Variants in ANKDD1A observed in about 807,000 individuals in gnomAD.
The protein encoded by ANKDD1A is ankyrin repeat and death domain containing 1A.
In ANKDD1A, 59 loss-of-function variants were observed where a neutral mutation model predicts 63.5. The observed-to-expected ratio is 0.93, with a 90% CI of 0.75 to 1.15. The LOEUF is 1.15. Among genes scored for constraint, ANKDD1A ranks in the 50% most tolerant of loss-of-function variants. ANKDD1A has a pLI of 0.00. For synonymous variants in ANKDD1A, 266 were observed against 263.9 expected, an observed-to-expected ratio of 1.01 and a Z score of -0.08; for missense variants, 632 against 656.4, an observed-to-expected ratio of 0.96 and a Z score of 0.41.
intron 6 of ANKDD1A, among the ~76,000 whole-genome samples, chr15:64,928,651 C>T (rs1001972540): frequency 3.3e-5 from 5 of 152,184 alleles, no homozygotes; most frequent in Non-Finnish European, 5.9e-5. Flanking sequence ...CACGTGTACT[C>T]TAGAATGCTA....
chr15:64,943,716 A>C, intron 11 of ANKDD1A, 134 bp downstream of exon 11: 2 of 802,028 alleles, frequency 2.5e-6, no homozygotes, highest in Non-Finnish European at 4.1e-6. Flanking sequence ...ACCAGCTCAA[A>C]TGCAGCCTCC....
rs1279855297 is a variant in ANKDD1A, at chr15:64,952,554, CCTTCTCCTTCGTTCTT to C, written c.1483+2593_1483+2608del. Among the ~76,000 whole-genome samples, 173 of 144,456 alleles carry C rather than the reference CCTTCTCCTTCGTTCTT, an allele frequency of 1.2e-3. 2 individuals carry two copies. The highest frequency in any genetic ancestry group is 2.1e-3 in the Non-Finnish European group (135 of 65,676). 94.8% of individuals were successfully genotyped at this position (144,456 alleles called of 152,430 possible). ...TCTTCTTCTCCTTCTCCTCCTCCTT[CCTTCTCCTTCGTTCTT>C]CTTCTCCTTCTTTTCTTCTTCTTCC... On this transcript the variant is annotated intron_variant, in intron 14 of 14. Coordinates refer to ENST00000319580, the MANE Select transcript of ANKDD1A (RefSeq NM_182703.6).
intron 14 of ANKDD1A, among the ~76,000 whole-genome samples, chr15:64,954,685 C>T (rs1259342096): frequency 1.4e-5 from 2 of 144,646 alleles, no homozygotes; most frequent in Admixed American, 1.4e-4. Flanking sequence ...CTTCTTCTCT[C>T]CTTCTCCTTG....
At chr15:64,929,458 C>T (rs576760627) in intron 6 of ANKDD1A, among the ~76,000 whole-genome samples, 6 of 152,296 alleles carry the variant, frequency 3.9e-5, no homozygotes, top group Middle Eastern at 3.4e-3. Context: ...TGTGAGGTAC[C>T]ATGCCCAGCA....
intron 14 of ANKDD1A, among the ~76,000 whole-genome samples, chr15:64,954,164 TTC>T (rs2085376175): frequency 7.2e-6 from 1 of 138,572 alleles, no homozygotes; most frequent in African/African-American, 2.5e-5. Context: ...TTATTCTTTC[TTC>T]TTTCTTTTCT....
At chr15:64,947,679 G>C in intron 13 of ANKDD1A, 86 bp downstream of exon 13, 1 of 1,488,954 alleles carries the variant, frequency 6.7e-7, no homozygotes. Context: ...TGTGCTTCTG[G>C]TGAAAGGGCC....
At chr15:64,954,772 TCTTCTCCTTCTTC>T (rs2085397901) in intron 14 of ANKDD1A, among the ~76,000 whole-genome samples, 1 of 144,956 alleles carries the variant, frequency 6.9e-6, no homozygotes, top group Non-Finnish European at 1.5e-5. Flanking sequence ...TCTTCTTTCT[TCTTCTCCTTCTTC>T]CTTCTCCTTA....
Position 64,958,631 on chromosome 15 carries a change from G to GTAAT in ANKDD1A, c.*1445_*1448dup, listed in dbSNP as rs1279934328. 6.6e-6 allele frequency: 1 copy of GTAAT among 152,130 alleles called. No individual in the cohort carries two copies. The highest frequency in any genetic ancestry group is 2.4e-5 in the African/African-American group (1 of 41,434). 9.4% of individuals were successfully genotyped at this position (152,130 alleles called of 1,614,324 possible). On this transcript the variant is annotated 3_prime_UTR_variant, in exon 15 of 15. Coordinates refer to ENST00000319580, the MANE Select transcript of ANKDD1A (RefSeq NM_182703.6). The stretch of plus-strand genomic sequence containing the variant: ...GGATGAATTTTATAAAATGAATTTT[G>GTAAT]TAATTTTTTTCTGAGAAAAAAAAGT...
rs1362584217 is a variant in ANKDD1A, at chr15:64,950,925, A to G, written c.1483+953A>G. On this transcript the variant is annotated intron_variant, in intron 14 of 14. Coordinates refer to ENST00000319580, the MANE Select transcript of ANKDD1A (RefSeq NM_182703.6). Reference sequence around the variant, plus strand: ...TCCTGTGAGGCAGAGCTTAGGCAACAGAGGAAGTAAGATTCTTGTTTTTAA... The same window carrying G: ...TCCTGTGAGGCAGAGCTTAGGCAACGGAGGAAGTAAGATTCTTGTTTTTAA... 2.4e-6 allele frequency: 3 copies of G among 1,267,894 alleles called. No homozygotes were observed. In the East Asian group the frequency reaches 1.8e-4, roughly 76 times the overall value. 78.5% of individuals were successfully genotyped at this position (1,267,894 alleles called of 1,614,324 possible). A position where few individuals can be genotyped will look rare whatever the true frequency, so the allele number is the denominator to read the frequency against.
At chr15:64,943,388 G>T in intron 10 of ANKDD1A, 96 bp from the exon 11 acceptor site, 1 of 990,758 alleles carries the variant, frequency 1.0e-6, no homozygotes. Flanking sequence ...GAAAAGACTA[G>T]AAGAAATATA....
At chr15:64,937,749 AAAAT>A (rs1288564433) in intron 9 of ANKDD1A, among the ~76,000 whole-genome samples, 8 of 152,212 alleles carry the variant, frequency 5.3e-5, no homozygotes, top group Middle Eastern at 3.4e-3. Flanking sequence ...AATAAAAATA[AAAAT>A]AAATAAGAAT....
At chr15:64,918,393 G>A (rs1287113324) in intron 3 of ANKDD1A, among the ~76,000 whole-genome samples, 1 of 152,304 alleles carries the variant, frequency 6.6e-6, no homozygotes, top group Non-Finnish European at 1.5e-5. Flanking sequence ...AGTTGGGGTT[G>A]AGGTGAGGCA....
At chr15:64,953,950 CTAT>C (rs1240364731) in intron 14 of ANKDD1A, among the ~76,000 whole-genome samples, 12 of 53,954 alleles carry the variant, frequency 2.2e-4, no homozygotes, top group African/African-American at 3.4e-4. Context: ...TCCTCTTCTT[CTAT>C]TGTTTCTTTT....
intron 12 of ANKDD1A, among the ~76,000 whole-genome samples, chr15:64,945,475 T>C (rs989446833): frequency 6.6e-5 from 10 of 151,528 alleles, no homozygotes; most frequent in Admixed American, 2.0e-4. Flanking sequence ...TTCAGCACTT[T>C]ATTATAAAAC....
chr15:64,927,601 C>CTTTTTT (rs1205967521), intron 6 of ANKDD1A, among the ~76,000 whole-genome samples: 2 of 149,214 alleles, frequency 1.3e-5, no homozygotes, highest in Non-Finnish European at 3.0e-5. Flanking sequence ...CAGCAAATTC[C>CTTTTTT]CTTTTTTTTT....
At chr15:64,951,749 TCTTC>T (rs1427183894) in intron 14 of ANKDD1A, among the ~76,000 whole-genome samples, 109 of 144,728 alleles carry the variant, frequency 7.5e-4, no homozygotes, top group Middle Eastern at 3.5e-3. Context: ...TTCTTCCTCT[TCTTC>T]CTTCTTTCCT....
chr15:64,913,771 C>T (rs1390403314), intron 1 of ANKDD1A, among the ~76,000 whole-genome samples: 1 of 152,202 alleles, frequency 6.6e-6, no homozygotes, highest in African/African-American at 2.4e-5. Flanking sequence ...AGACACTCGT[C>T]ACCTGTCCCT....
At chr15:64,950,726 A>AG in intron 14 of ANKDD1A, 1 of 524,074 alleles carries the variant, frequency 1.9e-6, no homozygotes, top group Non-Finnish European at 2.1e-6. Context: ...AAAAGAAAGG[A>AG]CCGCCCCCCC....
intron 2 of ANKDD1A, 22 bp downstream of exon 2, chr15:64,915,922 A>T (rs1215973918): frequency 1.9e-6 from 3 of 1,607,532 alleles, no homozygotes; most frequent in Non-Finnish European, 2.6e-6. Flanking sequence ...GCTTCTCTGA[A>T]TCCAGGCACC....
Sources: allele counts gnomAD v4.1 joint callset (sites outside exome capture counted in the v4.1 genomes callset), GRCh38; gene constraint gnomAD v4.1.1; transcripts MANE v1.5; gene names NCBI Gene and HGNC (gene_info 2026-07-23, HGNC 2026-07-21).